Variants in SYNDIG1 observed in about 807,000 individuals in gnomAD.
SYNDIG1 encodes the protein synapse differentiation inducing 1.
In SYNDIG1, 9 loss-of-function variants were observed where a neutral mutation model predicts 19.4. The observed-to-expected ratio is 0.46, with a 90% confidence interval of 0.28 to 0.81. The LOEUF is 0.81. Among genes scored for constraint, SYNDIG1 ranks in the 30% least tolerant of loss-of-function variants. The pLI is 0.12. For synonymous variants in SYNDIG1, 141 were observed against 145.9 expected (o/e 0.97, Z 0.24); for missense variants, 311 against 343.3 (o/e 0.91, Z 0.74).
chr20:24,549,946 C>T (rs2146785122), intron 2 of SYNDIG1, among the ~76,000 whole-genome samples: 1 of 152,316 alleles, frequency 6.6e-6, no homozygotes, highest in African/African-American at 2.4e-5. Context: ...CCTCTTCTCC[C>T]TTTCTCTGCC....
intron 1 of SYNDIG1, among the ~76,000 whole-genome samples, chr20:24,496,252 TC>T (rs2056303007): frequency 6.6e-6 from 1 of 152,200 alleles, no homozygotes; most frequent in Non-Finnish European, 1.5e-5. Flanking sequence ...GATACACTTG[TC>T]CGTTCCGCCA....
intron 3 of SYNDIG1, among the ~76,000 whole-genome samples, chr20:24,606,369 A>G (rs1272991989): frequency 2.0e-5 from 3 of 152,162 alleles, no homozygotes; most frequent in East Asian, 3.9e-4. Context: ...CTCATGAACA[A>G]TTTTCTCTGG....
chr20:24,592,828 G>A (rs1033791703), intron 3 of SYNDIG1, among the ~76,000 whole-genome samples: 1 of 152,076 alleles, frequency 6.6e-6, no homozygotes, highest in Non-Finnish European at 1.5e-5. Context: ...TTCCAGGCTG[G>A]TCTCAAACTC....
At chr20:24,479,316 C>G (rs900168937) in intron 1 of SYNDIG1, among the ~76,000 whole-genome samples, 2 of 152,144 alleles carry the variant, frequency 1.3e-5, no homozygotes, top group African/African-American at 4.8e-5. Context: ...ATTCCGCCTG[C>G]CAGGCCTTCT....
At chr20:24,641,892 C>T (rs951905186) in intron 3 of SYNDIG1, among the ~76,000 whole-genome samples, 6 of 152,174 alleles carry the variant, frequency 3.9e-5, no homozygotes, top group African/African-American at 1.4e-4. Context: ...ACAGAGTTCC[C>T]ATGTATCCCT....
intron 1 of SYNDIG1, among the ~76,000 whole-genome samples, chr20:24,522,411 C>A (rs1187326724): frequency 6.6e-6 from 1 of 152,166 alleles, no homozygotes; most frequent in Non-Finnish European, 1.5e-5. Context: ...ATTTCTTGAT[C>A]CGTTAGCTTT....
chr20:24,488,444 A>G (rs1422819613), intron 1 of SYNDIG1, among the ~76,000 whole-genome samples: 1 of 152,202 alleles, frequency 6.6e-6, no homozygotes, highest in African/African-American at 2.4e-5. Context: ...AGCTCTCACT[A>G]CCTGGTGGTG....
chr20:24,560,397 T>C (rs1452452596), intron 2 of SYNDIG1, among the ~76,000 whole-genome samples: 1 of 152,132 alleles, frequency 6.6e-6, no homozygotes, highest in Non-Finnish European at 1.5e-5. Context: ...CTTTCTGTTC[T>C]TCAGCTTGGA....
intron 3 of SYNDIG1, among the ~76,000 whole-genome samples, chr20:24,643,672 C>T (rs888163717): frequency 6.6e-6 from 1 of 152,216 alleles, no homozygotes; most frequent in Non-Finnish European, 1.5e-5. Context: ...TCCCTCCTGG[C>T]ATCCCCTGAC....
chr20:24,623,497 A>G (rs1228109123), intron 3 of SYNDIG1, among the ~76,000 whole-genome samples: 1 of 152,240 alleles, frequency 6.6e-6, no homozygotes, highest in Non-Finnish European at 1.5e-5. Flanking sequence ...GAAGTGAAAT[A>G]AAATATTTTG....
intron 1 of SYNDIG1, among the ~76,000 whole-genome samples, chr20:24,541,869 G>T (rs1473453085): frequency 6.6e-6 from 1 of 152,218 alleles, no homozygotes; most frequent in Non-Finnish European, 1.5e-5. Context: ...AGAGAGCCAT[G>T]TGGATAACCC....
chr20:24,641,719 C>T (rs369445916), intron 3 of SYNDIG1, among the ~76,000 whole-genome samples: 1 of 152,132 alleles, frequency 6.6e-6, no homozygotes, highest in Admixed American at 6.5e-5. Context: ...CTGCCCACCT[C>T]GCCACCAGGC....
intron 1 of SYNDIG1, among the ~76,000 whole-genome samples, chr20:24,473,679 CT>C (rs1230643739): frequency 2.0e-5 from 3 of 152,152 alleles, no homozygotes; most frequent in Non-Finnish European, 2.9e-5. Flanking sequence ...CTCTTTCCCC[CT>C]GGGCCTTTCC....
At chr20:24,569,063 G>A (rs151074492) in intron 2 of SYNDIG1, among the ~76,000 whole-genome samples, 1 of 152,312 alleles carries the variant, frequency 6.6e-6, no homozygotes, top group Admixed American at 6.5e-5. Context: ...TCCCTCGAGA[G>A]CCCGCCCATT....
chr20:24,521,899 CAA>C (rs11484410), intron 1 of SYNDIG1, among the ~76,000 whole-genome samples: 23 of 136,898 alleles, frequency 1.7e-4, no homozygotes, highest in African/African-American at 5.3e-4. Flanking sequence ...GACTCCCTCT[CAA>C]AAAAAAAAAA....
intron 3 of SYNDIG1, among the ~76,000 whole-genome samples, chr20:24,621,841 G>A (rs1016628242): frequency 2.6e-4 from 39 of 152,238 alleles, no homozygotes; most frequent in African/African-American, 9.4e-4. Context: ...GCCAAGAGAA[G>A]AGGCAAAAAT....
At chr20:24,661,485 G>GGAGGAGGGAAGA (rs1373723699) in intron 3 of SYNDIG1, among the ~76,000 whole-genome samples, 1 of 62,380 alleles carries the variant, frequency 1.6e-5, no homozygotes, top group African/African-American at 6.5e-5. Flanking sequence ...GAAGAGGGAG[G>GGAGGAGGGAAGA]AAGAAGGGAG....
intron 1 of SYNDIG1, among the ~76,000 whole-genome samples, chr20:24,477,557 T>C (rs1203130668): frequency 6.6e-6 from 1 of 152,182 alleles, no homozygotes; most frequent in Admixed American, 6.5e-5. Flanking sequence ...GGCTTCCTGA[T>C]GGTCTCTGGA....
rs141107681 is a variant in SYNDIG1 at position 24,641,805 on chromosome 20, C to T, written c.619-23541C>T. 2.0e-5 allele frequency among the ~76,000 whole-genome samples: 3 copies of T among 152,274 alleles called. 1 individual carries two copies. In the East Asian group the frequency reaches 5.8e-4, roughly 29 times the overall value. On this transcript the variant is annotated intron_variant, in intron 3 of 3. Coordinates refer to ENST00000376862, the MANE Select transcript of SYNDIG1 (RefSeq NM_024893.3). ...CCTGGTCTCTCACCTTGTCCCATGC[C>T]ACGCCCTGATGTTTTTAAAGTCAAC... is the stretch of plus-strand genomic sequence containing the variant.
Sources: gnomAD v4.1 joint callset for allele counts (sites outside exome capture counted in the v4.1 genomes callset) on GRCh38, gnomAD v4.1.1 for gene constraint, MANE v1.5 for transcripts, NCBI Gene and HGNC (gene_info 2026-07-23, HGNC 2026-07-21) for gene names.